The following ZNF160 variants were observed in gnomAD, a reference collection of about 807,000 sequenced individuals.
ZNF160 encodes zinc finger protein 160, also known as KRAB zinc finger protein KR18.
ZNF160 carries 9 observed loss-of-function variants against 13.1 expected under a neutral mutation model. The observed-to-expected ratio is 0.69, with a 90% confidence interval of 0.41 to 1.20. The LOEUF (loss-of-function observed/expected upper bound fraction) is 1.20. Among genes scored for constraint, ZNF160 ranks in the 50% most tolerant of loss-of-function variants. ZNF160 has a pLI of 0.01. For missense variants in ZNF160, 838 were observed against 988.0 expected (o/e 0.85, Z 2.04); for synonymous variants, 293 against 333.2 (o/e 0.88, Z 1.31).
intron 3 of ZNF160, chr19:53,086,006 C>A (rs1015896691): frequency 3.9e-5 from 55 of 1,404,490 alleles, no homozygotes; most frequent in Non-Finnish European, 5.3e-5. Flanking sequence ...CACCACAGGA[C>A]CCTCACCCCG....
intron 3 of ZNF160, chr19:53,075,679 TA>T (rs1324853950): frequency 3.9e-6 from 2 of 513,912 alleles, no homozygotes; most frequent in Non-Finnish European, 7.8e-6. Context: ...ATATCTCAAC[TA>T]ATAGATCACT....
intron 5 of ZNF160, among the ~76,000 whole-genome samples, chr19:53,072,105 C>CTT (rs66465576): frequency 9.0e-4 from 128 of 141,554 alleles, no homozygotes; most frequent in Admixed American, 2.1e-3. Context: ...TTCTTTCTTT[C>CTT]TTTTTTTTTT....
intron 3 of ZNF160, among the ~76,000 whole-genome samples, chr19:53,083,543 C>T (rs921021652): frequency 1.3e-5 from 2 of 152,096 alleles, no homozygotes; most frequent in Admixed American, 6.6e-5. Flanking sequence ...GGGTAAGCAA[C>T]GAAAGATTAT....
chr19:53,068,540 G>A lies in ZNF160; in HGVS notation c.1994C>T (p.Thr665Ile), dbSNP rs771675374. ...GKAFSMHSNL[T>I]THKVIHTGEK... is the part of the protein sequence containing the mutation. The stretch of plus-strand genomic sequence containing the variant: ...TCCAGTATGGATGACCTTATGGGTA[G>A]TTAGGTTTGAATGCATACTAAAGGC... Residue 665 changes from threonine (T) to isoleucine (I), a missense_variant, in exon 6 of 6, where the codon ACT becomes ATT. By Grantham distance (89) the Thr-to-Ile change is moderately conservative (BLOSUM62 -1). Transcript: ENST00000683776. 2.5e-6 allele frequency: 4 copies of A among 1,614,016 alleles called. No homozygotes were observed. In the African/African-American group the frequency reaches 4.0e-5, roughly 16 times the overall value.
At position 53,070,171 on chromosome 19, in the gene ZNF160, G is replaced by A. The variant is rs145393931; in HGVS notation, c.363C>T (p.His121=). The A allele has an allele frequency of 5.2e-5, 84 of 1,613,840 alleles. No individual in the cohort carries two copies. Among genetic ancestry groups the A allele is most frequent in the Non-Finnish European group, 5.8e-5 (69 of 1,180,022 alleles). The change falls in exon 6 of 6, where the codon CAC becomes CAT. Residue 121 remains histidine, a synonymous_variant. Coordinates refer to ENST00000683776, the MANE Select transcript of ZNF160 (RefSeq NM_001322131.2). ...AAAAGTCTTCAATGTCAGGGCTTTC[G>A]TGTCTTTCCAACACCACTGTGTGGA... ...AVFHTVVLER[H]ESPDIEDFSF... is the part of the protein sequence containing the mutation.
chr19:53,071,410 G>A (rs542132713), intron 5 of ZNF160, among the ~76,000 whole-genome samples: 1 of 151,638 alleles, frequency 6.6e-6, no homozygotes, highest in South Asian at 2.1e-4. Context: ...AAATTGGCTG[G>A]GTGTGGTAAT....
rs145479573 is a variant in ZNF160 at position 53,080,222 on chromosome 19, C to T, written c.16-5039G>A. Among the ~76,000 whole-genome samples, 538 of 152,020 alleles carry T rather than the reference C, an allele frequency of 3.5e-3. 2 individuals are homozygous for T. The highest frequency in any genetic ancestry group is 6.6e-3 in the Non-Finnish European group (448 of 67,982). ...CAAGCAATTCTCCTGCCTCAGCCTT[C>T]CTAAGTAGCTGGGATTACAGGCATG... On this transcript the variant is annotated intron_variant, in intron 3 of 5. Coordinates refer to ENST00000683776, the MANE Select transcript of ZNF160 (RefSeq NM_001322131.2).
intron 2 of ZNF160, among the ~76,000 whole-genome samples, chr19:53,086,652 G>GC (rs752018228): frequency 2.4e-4 from 37 of 152,168 alleles, no homozygotes; most frequent in Non-Finnish European, 3.7e-4. Context: ...GCAGAACACA[G>GC]CCCCCCTCAC....
At chr19:53,088,923 G>A (rs1568497900) in intron 2 of ZNF160, among the ~76,000 whole-genome samples, 2 of 152,190 alleles carry the variant, frequency 1.3e-5, no homozygotes, top group Non-Finnish European at 2.9e-5. Context: ...TATGCTGTAC[G>A]CTCTGACTGA....
chr19:53,085,947 TG>T (rs1439968536), intron 3 of ZNF160: 1 of 1,139,054 alleles, frequency 8.8e-7, no homozygotes, highest in African/African-American at 1.5e-5. Context: ...GCGCTGACAG[TG>T]CATCCAGATG....
intron 3 of ZNF160, among the ~76,000 whole-genome samples, chr19:53,078,144 G>A (rs2084479287): frequency 1.3e-5 from 2 of 152,074 alleles, no homozygotes; most frequent in African/African-American, 2.4e-5. Context: ...GGAGGCTGAG[G>A]CAGAAGAATC....
intron 3 of ZNF160, 160 bp from the exon 4 acceptor site, chr19:53,075,343 C>T: frequency 1.2e-6 from 1 of 831,446 alleles, no homozygotes; most frequent in Non-Finnish European, 1.9e-6. Context: ...GTCTTCATCC[C>T]CCTCTCCTGA....
At chr19:53,095,368 G>C (rs2085193611) in intron 1 of ZNF160, 1 of 151,674 alleles carries the variant, frequency 6.6e-6, no homozygotes, top group African/African-American at 2.4e-5. Flanking sequence ...ACCGGCAGGA[G>C]AGCATTCAGG....
chr19:53,099,208 C>T (rs2085355301), intron 1 of ZNF160, among the ~76,000 whole-genome samples: 1 of 152,148 alleles, frequency 6.6e-6, no homozygotes, highest in South Asian at 2.1e-4. Context: ...GAGAGAATTT[C>T]AGATGGGGGT....
intron 1 of ZNF160, among the ~76,000 whole-genome samples, chr19:53,092,284 T>C (rs184115603): frequency 1.2e-4 from 19 of 152,310 alleles, no homozygotes; most frequent in Non-Finnish European, 1.0e-4. Flanking sequence ...TAATTAATTT[T>C]GCAAGATTTT....
chr19:53,076,499 C>T (rs913268522), intron 3 of ZNF160, among the ~76,000 whole-genome samples: 5 of 152,148 alleles, frequency 3.3e-5, no homozygotes, highest in East Asian at 3.9e-4. Flanking sequence ...ATTAGCCAGG[C>T]GTGGTGGCAG....
At chr19:53,071,847 A>G (rs968922454) in intron 5 of ZNF160, among the ~76,000 whole-genome samples, 2 of 152,138 alleles carry the variant, frequency 1.3e-5, no homozygotes, top group African/African-American at 4.8e-5. Context: ...ACACATTTAA[A>G]GCATATTCAT....
chr19:53,081,635 G>GAA (rs35508631), intron 3 of ZNF160, among the ~76,000 whole-genome samples: 1 of 151,852 alleles, frequency 6.6e-6, no homozygotes, highest in Non-Finnish European at 1.5e-5. Context: ...CAAGGCTTCA[G>GAA]AAAAAAGGAA....
chr19:53,072,270 T>C (rs2084209067), intron 5 of ZNF160, among the ~76,000 whole-genome samples: 1 of 152,096 alleles, frequency 6.6e-6, no homozygotes, highest in Non-Finnish European at 1.5e-5. Context: ...CCTGGCTAAT[T>C]TTTGTATTTT....
Sources: allele counts gnomAD v4.1 joint callset (sites outside exome capture counted in the v4.1 genomes callset), GRCh38; gene constraint gnomAD v4.1.1; transcripts MANE v1.5; gene names NCBI Gene and HGNC (gene_info 2026-07-23, HGNC 2026-07-21).